NRF1: variants seen among roughly 807,000 people sequenced by gnomAD.
NRF1 encodes the protein alpha palindromic-binding protein.
A neutral mutation model predicts 58.5 loss-of-function variants in NRF1; 5 were observed. The observed-to-expected ratio is 0.09, with a 90% confidence interval of 0.04 to 0.18. NRF1 has a LOEUF of 0.18. Ranked by LOEUF, NRF1 falls within the 10% of genes least tolerant of loss-of-function variation. The pLI is 1.00. For missense variants in NRF1, 288 were observed against 657.7 expected, an observed-to-expected ratio of 0.44 and a Z score of 6.15; for synonymous variants, 224 against 246.7, an observed-to-expected ratio of 0.91 and a Z score of 0.86.
intron 1 of NRF1, among the ~76,000 whole-genome samples, chr7:129,648,589 T>G (rs1801465434): frequency 6.6e-6 from 1 of 152,196 alleles, no homozygotes. Flanking sequence ...TGACTTTCTT[T>G]TATGGAATAT....
intron 10 of NRF1, among the ~76,000 whole-genome samples, chr7:129,728,681 T>C (rs979817362): frequency 5.9e-5 from 9 of 152,276 alleles, no homozygotes; most frequent in South Asian, 2.1e-4. Flanking sequence ...TCCTTTGGAA[T>C]AGGAGGAAAC....
chr7:129,662,785 T>C (rs564492258), intron 2 of NRF1, among the ~76,000 whole-genome samples: 112 of 152,290 alleles, frequency 7.4e-4, no homozygotes, highest in African/African-American at 2.7e-3. Flanking sequence ...TATTGATCAT[T>C]CTTGGGTGTT....
At chr7:129,679,261 A>G (rs895379098) in intron 4 of NRF1, among the ~76,000 whole-genome samples, 1 of 152,218 alleles carries the variant, frequency 6.6e-6, no homozygotes, top group Admixed American at 6.5e-5. Context: ...CCTCTATTCA[A>G]TGTATGTGTC....
intron 6 of NRF1, 79 bp downstream of exon 6, chr7:129,709,312 C>A: frequency 8.0e-7 from 1 of 1,255,474 alleles, no homozygotes; most frequent in Non-Finnish European, 1.1e-6. Flanking sequence ...ATTTCTACAT[C>A]TTGTGCTAGA....
intron 1 of NRF1, among the ~76,000 whole-genome samples, chr7:129,613,876 G>A (rs779359286): frequency 1.9e-4 from 29 of 152,038 alleles, no homozygotes; most frequent in Non-Finnish European, 4.0e-4. Context: ...GATGGAGATC[G>A]CGCCATTGCA....
At chr7:129,636,634 A>G (rs1801174258) in intron 1 of NRF1, among the ~76,000 whole-genome samples, 1 of 152,162 alleles carries the variant, frequency 6.6e-6, no homozygotes, top group Admixed American at 6.5e-5. Flanking sequence ...TCACTAAGCC[A>G]TTGGGGTGTT....
chr7:129,672,190 G>A (rs1011150708), intron 3 of NRF1, among the ~76,000 whole-genome samples: 60 of 142,824 alleles, frequency 4.2e-4, no homozygotes, highest in Non-Finnish European at 6.9e-4. Context: ...GAAGAGCCAC[G>A]CCAGGAGATC....
At chr7:129,708,446 T>C (rs1430838453) in intron 5 of NRF1, among the ~76,000 whole-genome samples, 1 of 152,276 alleles carries the variant, frequency 6.6e-6, no homozygotes, top group East Asian at 1.9e-4. Flanking sequence ...GTCAGACTCA[T>C]GGACAGTGGC....
intron 1 of NRF1, among the ~76,000 whole-genome samples, chr7:129,646,338 CAAGT>C (rs1801404990): frequency 6.6e-6 from 1 of 152,150 alleles, no homozygotes; most frequent in Non-Finnish European, 1.5e-5. Context: ...ATTTTGAATG[CAAGT>C]ATGTATTTTC....
intron 1 of NRF1, among the ~76,000 whole-genome samples, chr7:129,645,161 C>T (rs1193143725): frequency 6.6e-6 from 1 of 152,136 alleles, no homozygotes; most frequent in Non-Finnish European, 1.5e-5. Context: ...TATACCATGT[C>T]CCCTTAAGCC....
At chr7:129,691,379 T>TTTTA (rs1802564453) in intron 5 of NRF1, among the ~76,000 whole-genome samples, 1 of 149,718 alleles carries the variant, frequency 6.7e-6, no homozygotes, top group African/African-American at 2.4e-5. Flanking sequence ...TTTTTTTTTT[T>TTTTA]GAGACAGAGT....
At chr7:129,623,717 G>T (rs781240861) in intron 1 of NRF1, among the ~76,000 whole-genome samples, 5 of 152,092 alleles carry the variant, frequency 3.3e-5, no homozygotes, top group Admixed American at 1.3e-4. Flanking sequence ...CTTAGTGACT[G>T]CATTTAGTAT....
At chr7:129,628,186 G>C (rs1800964426) in intron 1 of NRF1, among the ~76,000 whole-genome samples, 1 of 151,332 alleles carries the variant, frequency 6.6e-6, no homozygotes. Context: ...TGGGACTACA[G>C]GTGCCCGCCA....
chr7:129,613,380 G>A (rs373788940), intron 1 of NRF1, among the ~76,000 whole-genome samples: 18 of 152,164 alleles, frequency 1.2e-4, no homozygotes, highest in East Asian at 9.6e-4. Flanking sequence ...CCGTAAGACA[G>A]TGAAAATATG....
chr7:129,742,332 G>C (rs544437919), intron 10 of NRF1, among the ~76,000 whole-genome samples: 1 of 149,440 alleles, frequency 6.7e-6, no homozygotes, highest in East Asian at 2.0e-4. Context: ...AATTGCATCT[G>C]AGAATCATTG....
intron 4 of NRF1, among the ~76,000 whole-genome samples, chr7:129,678,471 A>C (rs1802234324): frequency 6.6e-6 from 1 of 152,168 alleles, no homozygotes; most frequent in South Asian, 2.1e-4. Context: ...TGAGTTCAGA[A>C]TTAGTAATCA....
chr7:129,713,386 TAGAAG>T (rs1478379799), intron 8 of NRF1, among the ~76,000 whole-genome samples: 6 of 152,180 alleles, frequency 3.9e-5, no homozygotes, highest in African/African-American at 9.7e-5. Context: ...ATAATTCTGT[TAGAAG>T]AGAAAGCCAA....
chr7:129,728,397 A>G (rs553855837), intron 10 of NRF1, among the ~76,000 whole-genome samples: 22 of 140,368 alleles, frequency 1.6e-4, no homozygotes, highest in Admixed American at 1.1e-3. Flanking sequence ...TGAACCCGAG[A>G]GGCAGAGGTT....
chr7:129,677,127 C>T (rs566425009), intron 3 of NRF1, among the ~76,000 whole-genome samples: 2 of 151,556 alleles, frequency 1.3e-5, no homozygotes, highest in South Asian at 4.2e-4. Flanking sequence ...TCTCGTGCCT[C>T]AGCCTCCCAA....
Sources: gnomAD v4.1 joint callset for allele counts (sites outside exome capture counted in the v4.1 genomes callset) on GRCh38, gnomAD v4.1.1 for gene constraint, MANE v1.5 for transcripts, NCBI Gene and HGNC (gene_info 2026-07-23, HGNC 2026-07-21) for gene names.